SLC25A23: variants seen among roughly 807,000 people sequenced by gnomAD.
SLC25A23 encodes mitochondrial adenyl nucleotide antiporter SLC25A23.
SLC25A23 carries 32 observed loss-of-function variants against 53.9 expected under a neutral mutation model. That is an observed-to-expected ratio of 0.59 (90% confidence interval 0.45 to 0.80). The LOEUF (loss-of-function observed/expected upper bound fraction) is 0.80, where lower values mean the gene tolerates loss of function less well. Ranked by LOEUF, SLC25A23 falls within the 30% of genes least tolerant of loss-of-function variation. The probability of loss-of-function intolerance (pLI) is 0.00; values close to 1 mark genes in which losing one functional copy is unlikely to be tolerated. For missense variants in SLC25A23, 575 were observed against 651.4 expected, an observed-to-expected ratio of 0.88 and a Z score of 1.28; for synonymous variants, 275 against 264.5, an observed-to-expected ratio of 1.04 and a Z score of -0.38.
intron 8 of SLC25A23, among the ~76,000 whole-genome samples, chr19:6,451,324 G>A (rs1414201900): frequency 6.6e-6 from 1 of 152,078 alleles, no homozygotes; most frequent in Non-Finnish European, 1.5e-5. Flanking sequence ...AGGAGATGTA[G>A]GTTGCAGTGA....
intron 3 of SLC25A23, among the ~76,000 whole-genome samples, 191 bp from the exon 4 acceptor site, chr19:6,456,722 C>G (rs2092687301): frequency 6.6e-6 from 1 of 152,178 alleles, no homozygotes; most frequent in Middle Eastern, 3.4e-3. Flanking sequence ...CTCTGTTGCC[C>G]AGGCTAGAGA....
Position 6,456,507 on chromosome 19 carries a change from G to A in SLC25A23, c.396C>T (p.Thr132=). The stretch of plus-strand genomic sequence containing the variant: ...GGTCGCGCCATTCTTGCCAGTCAAT[G>A]GTCATTGTGCCGTCTCGGTCCATGC... ...LHSMDRDGTM[T]IDWQEWRDHF... is the part of the protein sequence containing the mutation. Residue 132 remains threonine, a synonymous_variant, in exon 4 of 10, where the codon ACC becomes ACT. Coordinates refer to ENST00000301454, the MANE Select transcript of SLC25A23 (RefSeq NM_024103.3). The A allele has an allele frequency of 6.2e-7, 1 of 1,613,776 alleles. No individual in the cohort carries two copies. The highest frequency in any genetic ancestry group is 8.5e-7 in the Non-Finnish European group (1 of 1,179,976).
At chr19:6,439,355 C>G (rs1055174055), downstream of SLC25A23, among the ~76,000 whole-genome samples, 2 of 151,302 alleles carry the variant, frequency 1.3e-5, no homozygotes, top group African/African-American at 4.9e-5. Context: ...TACCACTACC[C>G]TCTAACCTGG....
Position 6,445,230 on chromosome 19 carries a change from C to T in SLC25A23, c.1072-929G>A, listed in dbSNP as rs1460214886. ...CTTCAAGCGATTCTCCTGCCTCAGC[C>T]TCGAAGTAGCTAGGATTACAAGCGT... On this transcript the variant is annotated intron_variant, in intron 8 of 9. Transcript: ENST00000301454. Among the ~76,000 whole-genome samples, 3 of 152,168 alleles carry T rather than the reference C, an allele frequency of 2.0e-5. No homozygotes were observed. The East Asian group carries it at 5.8e-4, about 29-fold the overall frequency.
intron 8 of SLC25A23, among the ~76,000 whole-genome samples, chr19:6,450,479 T>C (rs562670436): frequency 1.0e-3 from 158 of 152,282 alleles, no homozygotes; most frequent in African/African-American, 3.7e-3. Flanking sequence ...GCCTGCCTTG[T>C]TTATGGGAAT....
chr19:6,436,388 G>A (rs1188414692), downstream of SLC25A23: 1 of 455,832 alleles, frequency 2.2e-6, no homozygotes, highest in Non-Finnish European at 4.4e-6. Context: ...CCTCTTCCAA[G>A]CTCAGTTACA....
intron 2 of SLC25A23, 39 bp from the exon 3 acceptor site, chr19:6,457,629 G>T: frequency 6.4e-7 from 1 of 1,571,688 alleles, no homozygotes; most frequent in Non-Finnish European, 8.8e-7. Flanking sequence ...ATGTGCGTGT[G>T]AGGACACCTG....
chr19:6,442,287 C>T (rs867671766), intron 9 of SLC25A23, 128 bp from the exon 10 acceptor site: 1 of 637,436 alleles, frequency 1.6e-6, no homozygotes. Flanking sequence ...AACAGTGGGA[C>T]CTACCACTCA....
intron 8 of SLC25A23, among the ~76,000 whole-genome samples, chr19:6,448,618 C>G (rs1349148042): frequency 6.6e-6 from 1 of 151,528 alleles, no homozygotes; most frequent in Non-Finnish European, 1.5e-5. Flanking sequence ...TTACAGGTGC[C>G]CACCACCACG....
rs565003149 is a variant in SLC25A23, at chr19:6,455,258, TA to T, written c.484-542del. On this transcript the variant is annotated intron_variant, in intron 4 of 9. Transcript: ENST00000301454. The stretch of plus-strand genomic sequence containing the variant: ...CTGCATTTCAGCCTGGGAAACAGAG[TA>T]AGACCTTGTCTGTAACAGCAAAAAA... Among the ~76,000 whole-genome samples the T allele has an allele frequency of 2.6e-3, 389 of 152,088 alleles. 2 individuals carry two copies. The highest frequency in any genetic ancestry group is 5.8e-3 in the South Asian group (28 of 4,820).
chr19:6,454,410 T>G lies in SLC25A23; in HGVS notation c.708A>C (p.Gly236=). 1 of 1,614,144 alleles carries G rather than the reference T, an allele frequency of 6.2e-7. No individual in the cohort carries two copies. Among genetic ancestry groups the G allele is most frequent in the Admixed American group, 1.7e-5 (1 of 60,012 alleles). The change falls in exon 6 of 10, where the codon GGA becomes GGC. Residue 236 remains glycine, a synonymous_variant. Transcript: ENST00000301454. This position sits in a 1 kb window ranked among gnomAD's most constrained non-coding sequence, Gnocchi z 4.3. ...TGCCGCGCCACAGGGAGCGGATGCC[T>G]CCCTCAAGGACCATGCTTCGAAGCC... The part of the protein sequence containing the change: ...LGGLRSMVLE[G]GIRSLWRGNG...
intron 8 of SLC25A23, among the ~76,000 whole-genome samples, chr19:6,446,967 A>G (rs2092514158): frequency 6.6e-6 from 1 of 152,104 alleles, no homozygotes; most frequent in South Asian, 2.1e-4. Flanking sequence ...ATTTGAGTGA[A>G]TGTATCTACA....
In SLC25A23 at chr19:6,459,760, C is replaced by T; in HGVS notation, c.-132G>A. ...CCGGCTCCGCAGCCTCCGCGCAGTC[C>T]GCTCGGCTCTGGCACTTGCGGGAGG... On this transcript the variant is annotated 5_prime_UTR_variant, in exon 1 of 10. Transcript: ENST00000301454. The surrounding 1 kb of genome is among the most constrained non-coding windows in gnomAD (Gnocchi z 4.6). 1.3e-6 allele frequency: 1 copy of T among 742,240 alleles called. No individual in the cohort carries two copies. The highest frequency in any genetic ancestry group is 1.8e-6 in the Non-Finnish European group (1 of 554,786). The allele number at this position is 742,240 out of a possible 1,614,324, so 46.0% of individuals were successfully genotyped here.
chr19:6,454,872 T>C lies in SLC25A23; in HGVS notation c.484-155A>G, dbSNP rs942980919. Among the ~76,000 whole-genome samples the C allele has an allele frequency of 2.6e-5, 4 of 152,104 alleles. No homozygotes were observed. The highest frequency in any genetic ancestry group is 5.9e-5 in the Non-Finnish European group (4 of 67,976). On this transcript the variant is annotated intron_variant, in intron 4 of 9. Transcript: ENST00000301454. The surrounding 1 kb of genome is among the most constrained non-coding windows in gnomAD (Gnocchi z 4.3). Reference sequence around the variant, plus strand: ...ACCCCAGAAGAGTCCTGTTGGGTCCTACCAGGTGTCACCAAAGCATCTAAC... The same window carrying C: ...ACCCCAGAAGAGTCCTGTTGGGTCCCACCAGGTGTCACCAAAGCATCTAAC...
intron 2 of SLC25A23, 33 bp downstream of exon 2, chr19:6,458,165 C>G (rs1343589449): frequency 1.2e-6 from 2 of 1,610,084 alleles, no homozygotes; most frequent in East Asian, 2.2e-5. Context: ...AGCCCTATCC[C>G]TTGGGGCCTG....
chr19:6,457,475 T>C (rs1215874562), intron 3 of SLC25A23, 28 bp downstream of exon 3: 3 of 1,604,176 alleles, frequency 1.9e-6, no homozygotes, highest in Admixed American at 1.7e-5. Flanking sequence ...CCTGAGTTAC[T>C]TTGGATTCCA....
Position 6,457,489 on chromosome 19 carries a change from C to T in SLC25A23, c.371+14G>A. 6.2e-7 allele frequency: 1 copy of T among 1,612,756 alleles called. No homozygotes were observed. The highest frequency in any genetic ancestry group is 1.1e-5 in the South Asian group (1 of 91,032). On this transcript the variant is annotated intron_variant, in intron 3 of 9. Transcript: ENST00000301454. Reference sequence around the variant, plus strand: ...TCCTGAGTTACTTTGGATTCCAGACCCCCAGCGACTCACCTGTGCAAAATT... The same window carrying T: ...TCCTGAGTTACTTTGGATTCCAGACTCCCAGCGACTCACCTGTGCAAAATT...
intron 9 of SLC25A23, chr19:6,443,488 A>G (rs2092455723): frequency 1.5e-6 from 1 of 649,470 alleles, no homozygotes; most frequent in South Asian, 1.7e-5. Flanking sequence ...TTGGCCTCCT[A>G]AAGTGCTGGG....
chr19:6,449,817 A>G (rs1345509788), intron 8 of SLC25A23, among the ~76,000 whole-genome samples: 1 of 151,354 alleles, frequency 6.6e-6, no homozygotes, highest in Non-Finnish European at 1.5e-5. Flanking sequence ...TACAGGCACA[A>G]GCCACTGCTC....
Sources: gnomAD v4.1 joint callset for allele counts (sites outside exome capture counted in the v4.1 genomes callset) on GRCh38, gnomAD v4.1.1 for gene constraint, Gnocchi (gnomAD v3.1) non-coding constraint, MANE v1.5 for transcripts, NCBI Gene and HGNC (gene_info 2026-07-23, HGNC 2026-07-21) for gene names.